The following RASGRF2 variants were observed in gnomAD, a reference collection of about 807,000 sequenced individuals.
RASGRF2 encodes the protein Ras protein specific guanine nucleotide releasing factor 2.
In RASGRF2, 76 loss-of-function variants were observed where a neutral mutation model predicts 151.0. That is an observed-to-expected ratio of 0.50 (90% CI 0.42 to 0.61). RASGRF2 has a LOEUF of 0.61. Ranked by LOEUF, RASGRF2 falls within the 20% of genes least tolerant of loss-of-function variation. The pLI is 0.00. For missense variants in RASGRF2, 1,148 were observed against 1,564.6 expected (o/e 0.73, Z 4.49); for synonymous variants, 504 against 566.5 (o/e 0.89, Z 1.57).
At chr5:81,208,534 CTTTTTTTTTTTTTTTTTTTTTTTT>C in intron 22 of RASGRF2, 96 bp downstream of exon 22, 3 of 248,086 alleles carry the variant, frequency 1.2e-5, no homozygotes, top group Admixed American at 6.1e-5. Flanking sequence ...CTGTCACCCA[CTTTTTTTTTTTTTTTTTTTTTTTT>C]TTTTTTTTTT....
chr5:81,161,791 C>A (rs10073862), intron 17 of RASGRF2, among the ~76,000 whole-genome samples: 1 of 152,008 alleles, frequency 6.6e-6, no homozygotes, highest in East Asian at 1.9e-4. Context: ...TGTTAAAATC[C>A]TCATAATGAA....
intron 17 of RASGRF2, among the ~76,000 whole-genome samples, chr5:81,163,429 A>G (rs1754433197): frequency 6.6e-6 from 1 of 152,100 alleles, no homozygotes. Flanking sequence ...TCAAATATAT[A>G]TATTTGAATT....
intron 18 of RASGRF2, among the ~76,000 whole-genome samples, chr5:81,196,425 G>T (rs1253401971): frequency 6.6e-6 from 1 of 152,198 alleles, no homozygotes; most frequent in African/African-American, 2.4e-5. Context: ...TATATCATCA[G>T]CAGCAAAGCA....
chr5:80,985,115 G>A (rs974868671), intron 1 of RASGRF2, among the ~76,000 whole-genome samples: 7 of 152,140 alleles, frequency 4.6e-5, no homozygotes, highest in Admixed American at 3.9e-4. Flanking sequence ...GGGAGGCTGA[G>A]GTGAGAGGAT....
intron 1 of RASGRF2, among the ~76,000 whole-genome samples, chr5:81,021,073 G>T (rs1365267069): frequency 6.6e-6 from 1 of 152,212 alleles, no homozygotes; most frequent in Non-Finnish European, 1.5e-5. Flanking sequence ...GTGATATGTT[G>T]CTGGGGCTGG....
intron 18 of RASGRF2, among the ~76,000 whole-genome samples, chr5:81,195,858 G>A (rs1284861347): frequency 6.6e-6 from 1 of 152,174 alleles, no homozygotes; most frequent in African/African-American, 2.4e-5. Context: ...TCTCATCTCA[G>A]CCCATGTGAT....
chr5:80,981,151 C>T (rs1464852915), intron 1 of RASGRF2, among the ~76,000 whole-genome samples: 1 of 152,204 alleles, frequency 6.6e-6, no homozygotes, highest in Non-Finnish European at 1.5e-5. Context: ...TGAAAACCTT[C>T]CATTTCATTA....
At chr5:81,049,010 G>C (rs1750924117) in intron 2 of RASGRF2, among the ~76,000 whole-genome samples, 2 of 151,940 alleles carry the variant, frequency 1.3e-5, no homozygotes. Flanking sequence ...AGCTCTTCCT[G>C]GTGGGTTTTG....
At chr5:80,982,302 G>T (rs1007852452) in intron 1 of RASGRF2, among the ~76,000 whole-genome samples, 1 of 152,138 alleles carries the variant, frequency 6.6e-6, no homozygotes, top group Non-Finnish European at 1.5e-5. Flanking sequence ...GTATTTGAAG[G>T]CATTCTCTGA....
intron 17 of RASGRF2, among the ~76,000 whole-genome samples, chr5:81,172,434 C>CGT (rs57957668): frequency 0.025 from 3,617 of 145,576 alleles, 62 homozygotes; most frequent in South Asian, 0.037. Flanking sequence ...CAAGGATGTG[C>CGT]GTGTGTGTGT....
At chr5:81,179,705 T>C (rs1196312554) in intron 17 of RASGRF2, among the ~76,000 whole-genome samples, 2 of 152,234 alleles carry the variant, frequency 1.3e-5, no homozygotes, top group Non-Finnish European at 2.9e-5. Flanking sequence ...GCTGTACTGC[T>C]TCTCAGTACA....
intron 17 of RASGRF2, among the ~76,000 whole-genome samples, chr5:81,178,876 C>T (rs1425383507): frequency 2.6e-5 from 4 of 152,110 alleles, no homozygotes; most frequent in East Asian, 1.9e-4. Context: ...GAGGCTGGGA[C>T]TACAGGCGCC....
intron 12 of RASGRF2, among the ~76,000 whole-genome samples, chr5:81,100,363 A>C (rs939461171): frequency 3.3e-5 from 5 of 152,180 alleles, no homozygotes; most frequent in Non-Finnish European, 7.4e-5. Context: ...GAAACTCTAC[A>C]AAACTTAAGA....
Position 81,041,288 on chromosome 5 carries a change from C to G in RASGRF2, c.289-1589C>G, listed in dbSNP as rs1190635318. 2.4e-5 allele frequency among the ~76,000 whole-genome samples: 3 copies of G among 125,758 alleles called. No individual in the cohort carries two copies. In the East Asian group the frequency reaches 6.7e-4, roughly 28 times the overall value. 82.5% of individuals were successfully genotyped at this position (125,758 alleles called of 152,430 possible). ...CTGCACTCCAGCCTGGGAGACAGAG[C>G]AAGACTCCGTCTCAAAAAAAAAAAA... is the stretch of plus-strand genomic sequence containing the variant. On this transcript the variant is annotated intron_variant, in intron 1 of 26. Transcript: ENST00000265080.
intron 1 of RASGRF2, among the ~76,000 whole-genome samples, chr5:80,986,846 G>C (rs1423220113): frequency 4.6e-5 from 7 of 152,126 alleles, no homozygotes; most frequent in African/African-American, 1.7e-4. Context: ...GTCAGATCAT[G>C]TTATTTTCCT....
intron 1 of RASGRF2, among the ~76,000 whole-genome samples, chr5:80,973,390 G>A (rs1483052858): frequency 6.6e-6 from 1 of 152,164 alleles, no homozygotes; most frequent in African/African-American, 2.4e-5. Flanking sequence ...CGGGTGCTGG[G>A]TTGTTGCTCT....
chr5:81,153,197 A>G lies in RASGRF2; in HGVS notation c.2686+26034A>G, dbSNP rs142565353. ...ATTGTAATGCACCCCCAGTATGTCT[A>G]TATCCTAAACGGTGTGATCCGTGTG... On this transcript the variant is annotated intron_variant, in intron 17 of 26. Transcript: ENST00000265080. 3.5e-3 allele frequency among the ~76,000 whole-genome samples: 528 copies of G among 152,348 alleles called. 1 individual carries two copies. Among genetic ancestry groups the G allele is most frequent in the South Asian group, 0.025 (120 of 4,820 alleles).
At chr5:81,211,515 C>G (rs1278820326) in intron 22 of RASGRF2, among the ~76,000 whole-genome samples, 1 of 152,234 alleles carries the variant, frequency 6.6e-6, no homozygotes, top group Non-Finnish European at 1.5e-5. Flanking sequence ...TCTCCTCACG[C>G]TAAGGATGCG....
At chr5:81,208,465 G>T (rs1273500840) in intron 22 of RASGRF2, 27 bp downstream of exon 22, 2 of 1,582,708 alleles carry the variant, frequency 1.3e-6, no homozygotes, top group Non-Finnish European at 1.7e-6. Flanking sequence ...GTAAAACCGT[G>T]GGCGTGTCAC....
Sources: allele counts gnomAD v4.1 joint callset (sites outside exome capture counted in the v4.1 genomes callset), GRCh38; gene constraint gnomAD v4.1.1; transcripts MANE v1.5; gene names NCBI Gene and HGNC (gene_info 2026-07-23, HGNC 2026-07-21).